Variants in EEF1E1 observed in about 807,000 individuals in gnomAD.
EEF1E1 encodes eukaryotic translation elongation factor 1 epsilon 1.
A neutral mutation model predicts 19.9 loss-of-function variants in EEF1E1; 19 were observed. That is an observed-to-expected ratio of 0.95 (90% confidence interval 0.66 to 1.40). EEF1E1 has a LOEUF of 1.40. Among genes scored for constraint, EEF1E1 ranks in the 40% most tolerant of loss-of-function variants. EEF1E1 has a pLI of 0.00. For synonymous variants in EEF1E1, 81 were observed against 80.0 expected, an observed-to-expected ratio of 1.01 and a Z score of -0.07; for missense variants, 198 against 202.2, an observed-to-expected ratio of 0.98 and a Z score of 0.13.
At chr6:8,101,617 C>T (rs1758366297) in intron 1 of EEF1E1, 2 of 584,516 alleles carry the variant, frequency 3.4e-6, no homozygotes, top group Non-Finnish European at 5.0e-6. Flanking sequence ...AACCAAACAT[C>T]ATTTGGAAAA....
intron 2 of EEF1E1, among the ~76,000 whole-genome samples, chr6:8,093,814 T>C (rs1250704086): frequency 6.6e-6 from 1 of 152,002 alleles, no homozygotes; most frequent in Non-Finnish European, 1.5e-5. Flanking sequence ...ATTTTTTTTT[T>C]TGAGACACAG....
Position 8,095,996 on chromosome 6 carries a change from C to T in EEF1E1, c.288+1271G>A, listed in dbSNP as rs543880264. Among the ~76,000 whole-genome samples the T allele has an allele frequency of 3.3e-4, 51 of 152,242 alleles. 1 individual carries two copies. In the South Asian group the frequency reaches 7.1e-3, roughly 21 times the overall value. On this transcript the variant is annotated intron_variant, in intron 2 of 3. Coordinates refer to ENST00000379715, the MANE Select transcript of EEF1E1 (RefSeq NM_004280.5). Reference sequence around the variant, plus strand: ...ATAGTAGGTGCAGATGAGCAAACTGCGGTCAGACAAGGAAGACAATGCAAA... The same window carrying T: ...ATAGTAGGTGCAGATGAGCAAACTGTGGTCAGACAAGGAAGACAATGCAAA...
At chr6:8,100,807 G>T (rs1758327872) in intron 1 of EEF1E1, among the ~76,000 whole-genome samples, 1 of 151,000 alleles carries the variant, frequency 6.6e-6, no homozygotes, top group Non-Finnish European at 1.5e-5. Flanking sequence ...GGCGCCACCA[G>T]CCCCAGAGAG....
chr6:8,088,014 C>T (rs1035810946), intron 3 of EEF1E1, among the ~76,000 whole-genome samples: 1 of 152,130 alleles, frequency 6.6e-6, no homozygotes, highest in Non-Finnish European at 1.5e-5. Context: ...TTCTGGACCT[C>T]GTTCCACCAC....
In EEF1E1 at chr6:8,097,426, T is replaced by A. The variant is rs766635011; in HGVS notation, c.129A>T (p.Gly43=). The A allele has an allele frequency of 3.1e-6, 5 of 1,614,160 alleles. No homozygotes were observed. The highest frequency in any genetic ancestry group is 3.3e-5 in the Admixed American group (2 of 60,018). The change falls in exon 2 of 4, where the codon GGA becomes GGT. Residue 43 remains glycine (G), a synonymous_variant. Transcript: ENST00000379715. ...CTAGATGAGCTGCTATAGTAGTCAA[T>A]CCTGTTAGACTTGGACCATTGTTTG... ...LQTNNGPSLT[G]LTTIAAHLVK...
downstream of EEF1E1, among the ~76,000 whole-genome samples, chr6:8,076,953 T>TC (rs1224529862): frequency 6.8e-6 from 1 of 146,056 alleles, no homozygotes; most frequent in South Asian, 2.2e-4. Flanking sequence ...TTTTGTTTTT[T>TC]TTTTTTTGAG....
chr6:8,075,518 G>T (rs1757568593), downstream of EEF1E1, among the ~76,000 whole-genome samples: 1 of 152,146 alleles, frequency 6.6e-6, no homozygotes, highest in Non-Finnish European at 1.5e-5. Flanking sequence ...GTGTACAACA[G>T]CATTATGTCT....
downstream of EEF1E1, among the ~76,000 whole-genome samples, chr6:8,075,441 T>C (rs12196862): frequency 0.21 from 31,282 of 152,016 alleles, 3,560 homozygotes; most frequent in Non-Finnish European, 0.26. Context: ...ACAAAGTGAG[T>C]TGCACAAATT....
chr6:8,076,013 G>A (rs1757579832), downstream of EEF1E1, among the ~76,000 whole-genome samples: 1 of 152,036 alleles, frequency 6.6e-6, no homozygotes, highest in Non-Finnish European at 1.5e-5. Flanking sequence ...TCAAGACTGC[G>A]GCAATTCAGT....
chr6:8,082,428 C>A (rs906023974), intron 3 of EEF1E1, among the ~76,000 whole-genome samples: 6 of 152,088 alleles, frequency 3.9e-5, no homozygotes, highest in African/African-American at 1.4e-4. Flanking sequence ...CAGTCACATA[C>A]CACCACACCT....
intron 2 of EEF1E1, among the ~76,000 whole-genome samples, 189 bp from the exon 3 acceptor site, chr6:8,090,470 T>A (rs1421591837): frequency 1.3e-5 from 2 of 152,172 alleles, no homozygotes; most frequent in Non-Finnish European, 2.9e-5. Flanking sequence ...TTTAAAAAAA[T>A]TGGCTAAACA....
Position 8,079,644 on chromosome 6 carries a change from A to G in EEF1E1, c.*246T>C. On this transcript the variant is annotated 3_prime_UTR_variant, in exon 4 of 4. Coordinates refer to ENST00000379715, the MANE Select transcript of EEF1E1 (RefSeq NM_004280.5). ...TTTATTGAAATAAATGTCATCTACT[A>G]AAAACAAGGTTAATTTATAACTGGA... is the stretch of plus-strand genomic sequence containing the variant. The G allele has an allele frequency of 1.7e-6, 2 of 1,161,542 alleles. No homozygotes were observed. The highest frequency in any genetic ancestry group is 2.1e-6 in the Non-Finnish European group (2 of 940,298). The allele number at this position is 1,161,542 out of a possible 1,614,324, so 72.0% of individuals were successfully genotyped here.
At chr6:8,086,748 T>C (rs1757865417) in intron 3 of EEF1E1, among the ~76,000 whole-genome samples, 1 of 152,190 alleles carries the variant, frequency 6.6e-6, no homozygotes, top group Non-Finnish European at 1.5e-5. Flanking sequence ...TGAGAAAGTA[T>C]AGAGGAAACT....
At position 8,092,810 on chromosome 6, in the gene EEF1E1, T is replaced by C. The variant is rs900630819; in HGVS notation, c.289-2529A>G. On this transcript the variant is annotated intron_variant, in intron 2 of 3. Coordinates refer to ENST00000379715, the MANE Select transcript of EEF1E1 (RefSeq NM_004280.5). The stretch of plus-strand genomic sequence containing the variant: ...AAGACCTGAAACAATAACAGTTTTG[T>C]ATATTTTTTCCAAAAACAGAATCTA... Among the ~76,000 whole-genome samples, 85 of 152,128 alleles carry C rather than the reference T, an allele frequency of 5.6e-4. 1 individual carries two copies. The highest frequency in any genetic ancestry group is 2.0e-3 in the African/African-American group (84 of 41,502).
In EEF1E1 at chr6:8,097,420, A is replaced by T; in HGVS notation, c.135T>A (p.Thr45=). The change falls in exon 2 of 4, where the codon ACT becomes ACA. Residue 45 remains threonine, a synonymous_variant. Coordinates refer to ENST00000379715, the MANE Select transcript of EEF1E1 (RefSeq NM_004280.5). Reference sequence around the variant, plus strand: ...GCTTGACTAGATGAGCTGCTATAGTAGTCAATCCTGTTAGACTTGGACCAT... The same window carrying T: ...GCTTGACTAGATGAGCTGCTATAGTTGTCAATCCTGTTAGACTTGGACCAT... ...TNNGPSLTGL[T]TIAAHLVKQA... 1 of 1,614,208 alleles carries T rather than the reference A, an allele frequency of 6.2e-7. No homozygotes were observed.
intron 2 of EEF1E1, among the ~76,000 whole-genome samples, chr6:8,093,076 G>T (rs899285838): frequency 6.6e-6 from 1 of 151,984 alleles, no homozygotes; most frequent in African/African-American, 2.4e-5. Flanking sequence ...GTTTCACTAT[G>T]TTGGCCAGGC....
At chr6:8,101,473 A>G (rs954308658) in intron 1 of EEF1E1, among the ~76,000 whole-genome samples, 1 of 151,362 alleles carries the variant, frequency 6.6e-6, no homozygotes, top group African/African-American at 2.4e-5. Flanking sequence ...TCTGCCACCA[A>G]TCACAGGGCT....
chr6:8,091,359 T>C (rs1379540549), intron 2 of EEF1E1, among the ~76,000 whole-genome samples: 9 of 152,216 alleles, frequency 5.9e-5, no homozygotes, highest in Admixed American at 5.9e-4. Context: ...ACTAAAGTCC[T>C]TTGCCACTTT....
At chr6:8,074,925 G>A (rs1296197112), downstream of EEF1E1, among the ~76,000 whole-genome samples, 1 of 152,172 alleles carries the variant, frequency 6.6e-6, no homozygotes, top group Admixed American at 6.5e-5. Context: ...CGGGAAGAGG[G>A]GTCGCTTGAC....
Sources: allele counts gnomAD v4.1 joint callset (sites outside exome capture counted in the v4.1 genomes callset), GRCh38; gene constraint gnomAD v4.1.1; transcripts MANE v1.5; gene names NCBI Gene and HGNC (gene_info 2026-07-23, HGNC 2026-07-21).